Variants in SLC24A2 observed in about 807,000 individuals in gnomAD.
The protein encoded by SLC24A2 is solute carrier family 24 member 2, also known as sodium/potassium/calcium exchanger 2.
In SLC24A2, 36 loss-of-function variants were observed where a neutral mutation model predicts 62.0. The ratio of observed to expected loss-of-function variants is 0.58; its 90% CI spans 0.44 to 0.77. SLC24A2 has a LOEUF of 0.77. Among genes scored for constraint, SLC24A2 ranks in the 30% least tolerant of loss-of-function variants. The pLI is 0.00. For missense variants in SLC24A2, 846 were observed against 817.9 expected (o/e 1.03, Z -0.42); for synonymous variants, 358 against 294.0 (o/e 1.22, Z -2.23).
chr9:19,754,035 A>G (rs1260420833), intron 2 of SLC24A2, among the ~76,000 whole-genome samples: 3 of 152,112 alleles, frequency 2.0e-5, no homozygotes, highest in Non-Finnish European at 2.9e-5. Context: ...AAGCACACTT[A>G]AAAAAAATTT....
chr9:19,862,107 C>T, the SLC24A2 span, among the ~76,000 whole-genome samples: 2 of 152,016 alleles, frequency 1.3e-5, no homozygotes, highest in African/African-American at 2.4e-5. Flanking sequence ...AACAGAACAC[C>T]AAGCAGATTT....
intron 2 of SLC24A2, among the ~76,000 whole-genome samples, chr9:19,723,889 T>A (rs1173337283): frequency 3.3e-5 from 5 of 152,140 alleles, no homozygotes; most frequent in African/African-American, 1.2e-4. Context: ...TACTAGATAC[T>A]GAGTGCTGTA....
chr9:19,595,351 G>A (rs1423912903), intron 5 of SLC24A2, among the ~76,000 whole-genome samples: 1 of 152,098 alleles, frequency 6.6e-6, no homozygotes, highest in East Asian at 1.9e-4. Flanking sequence ...CTTTTAAAAT[G>A]CTGCCTTTGC....
chr9:19,617,432 T>TATATAA (rs1817796958), intron 4 of SLC24A2, among the ~76,000 whole-genome samples: 2 of 152,236 alleles, frequency 1.3e-5, no homozygotes, highest in Admixed American at 1.3e-4. Flanking sequence ...TTTTTAAATG[T>TATATAA]ATATAAATAG....
intron 2 of SLC24A2, among the ~76,000 whole-genome samples, chr9:19,647,949 T>C (rs1288535522): frequency 6.6e-6 from 1 of 152,168 alleles, no homozygotes; most frequent in Non-Finnish European, 1.5e-5. Context: ...ACTTCCTTCC[T>C]CTTCCTATTG....
At chr9:20,305,470 A>G in the SLC24A2 span, among the ~76,000 whole-genome samples, 1 of 152,302 alleles carries the variant, frequency 6.6e-6, no homozygotes, top group African/African-American at 2.4e-5. Context: ...TAAAGGCTTT[A>G]TAATAGCAAT....
At chr9:20,118,414 A>T in the SLC24A2 span, among the ~76,000 whole-genome samples, 2 of 152,040 alleles carry the variant, frequency 1.3e-5, no homozygotes, top group African/African-American at 4.8e-5. Flanking sequence ...AAAGACGAAT[A>T]AAAAAAGACA....
the SLC24A2 span, among the ~76,000 whole-genome samples, chr9:20,057,203 T>A: frequency 6.6e-6 from 1 of 152,240 alleles, no homozygotes; most frequent in Non-Finnish European, 1.5e-5. Flanking sequence ...ACTCATGCTA[T>A]CCCTATAACT....
At chr9:19,603,882 T>C (rs1203392284) in intron 4 of SLC24A2, among the ~76,000 whole-genome samples, 5 of 152,228 alleles carry the variant, frequency 3.3e-5, no homozygotes, top group Admixed American at 3.3e-4. Context: ...GGTTCCCTCC[T>C]CCATGCAGCA....
the SLC24A2 span, among the ~76,000 whole-genome samples, chr9:20,144,428 G>T: frequency 1.4e-3 from 210 of 152,240 alleles, no homozygotes; most frequent in African/African-American, 5.0e-3. Flanking sequence ...AGCTCGCTCC[G>T]ACCACTAGCC....
At chr9:20,305,007 C>A in the SLC24A2 span, among the ~76,000 whole-genome samples, 180 of 152,072 alleles carry the variant, frequency 1.2e-3, 2 homozygotes, top group Middle Eastern at 0.017. Flanking sequence ...ACTTCATATA[C>A]CCACACTGGA....
chr9:19,807,143 G>C, the SLC24A2 span, among the ~76,000 whole-genome samples: 11 of 152,252 alleles, frequency 7.2e-5, no homozygotes, highest in African/African-American at 2.6e-4. Context: ...TTTGAATTCT[G>C]TCCTTTTTTG....
chr9:20,130,661 A>G, the SLC24A2 span, among the ~76,000 whole-genome samples: 616 of 152,300 alleles, frequency 4.0e-3, 14 homozygotes, highest in Admixed American at 0.036. Context: ...GAGGGAAGCC[A>G]TTGCAGAGTT....
At chr9:19,569,682 C>T (rs1198884900) in intron 7 of SLC24A2, among the ~76,000 whole-genome samples, 1 of 152,126 alleles carries the variant, frequency 6.6e-6, no homozygotes, top group South Asian at 2.1e-4. Context: ...GTGCAAATCA[C>T]ATCTGCTGAC....
intron 2 of SLC24A2, among the ~76,000 whole-genome samples, chr9:19,742,096 T>G (rs1322546265): frequency 6.6e-6 from 1 of 152,186 alleles, no homozygotes; most frequent in South Asian, 2.1e-4. Flanking sequence ...TATTTGAAAT[T>G]CAGAGGCCAA....
At chr9:19,784,216 G>T (rs910085453) in intron 2 of SLC24A2, among the ~76,000 whole-genome samples, 9 of 152,136 alleles carry the variant, frequency 5.9e-5, no homozygotes, top group Non-Finnish European at 1.2e-4. Flanking sequence ...ACCTATATTT[G>T]GAAAGCTATT....
At chr9:20,152,637 G>A in the SLC24A2 span, among the ~76,000 whole-genome samples, 1 of 151,848 alleles carries the variant, frequency 6.6e-6, no homozygotes, top group African/African-American at 2.4e-5. Flanking sequence ...ATCAGTCTGG[G>A]AGTGAAATTG....
the SLC24A2 span, among the ~76,000 whole-genome samples, chr9:20,048,948 T>C: frequency 6.6e-6 from 1 of 151,776 alleles, no homozygotes; most frequent in African/African-American, 2.4e-5. Context: ...TATTTTTTAT[T>C]ATTATTAAGT....
the SLC24A2 span, among the ~76,000 whole-genome samples, chr9:20,303,437 T>G: frequency 6.6e-6 from 1 of 152,344 alleles, no homozygotes; most frequent in South Asian, 2.1e-4. Context: ...ATCAACAAAT[T>G]TAACGTATTC....
Sources: gnomAD v4.1 joint callset for allele counts (sites outside exome capture counted in the v4.1 genomes callset) on GRCh38, gnomAD v4.1.1 for gene constraint, MANE v1.5 for transcripts, NCBI Gene and HGNC (gene_info 2026-07-23, HGNC 2026-07-21) for gene names.